Variants in CCDC172 observed in about 807,000 individuals in gnomAD.
CCDC172 encodes coiled-coil domain-containing protein 172.
Under a neutral mutation model 38.0 loss-of-function variants are expected in CCDC172, and 30 were observed. The observed-to-expected ratio is 0.79, with a 90% CI of 0.59 to 1.07. The LOEUF is 1.07. Ranked by LOEUF, CCDC172 falls within the 50% of genes least tolerant of loss-of-function variation. CCDC172 has a pLI of 0.00. For synonymous variants in CCDC172, 78 were observed against 88.3 expected (o/e 0.88, Z 0.66); for missense variants, 297 against 290.1 (o/e 1.02, Z -0.17).
intron 7 of CCDC172, among the ~76,000 whole-genome samples, chr10:116,364,897 C>G (rs1409933519): frequency 1.3e-5 from 2 of 152,012 alleles, no homozygotes; most frequent in Non-Finnish European, 2.9e-5. Context: ...TTCTATGTCT[C>G]TGAGAGGTAA....
chr10:116,363,209 T>C (rs984972528), intron 7 of CCDC172, among the ~76,000 whole-genome samples: 1 of 152,144 alleles, frequency 6.6e-6, no homozygotes, highest in Non-Finnish European at 1.5e-5. Flanking sequence ...TAAAAGGAGA[T>C]GCCTACCCCA....
At chr10:116,352,982 A>G (rs1844949612) in intron 5 of CCDC172, among the ~76,000 whole-genome samples, 1 of 152,150 alleles carries the variant, frequency 6.6e-6, no homozygotes, top group Admixed American at 6.5e-5. Context: ...TCACGAGGTC[A>G]GGAGATCAAG....
At chr10:116,331,881 C>T (rs1023161973) in intron 3 of CCDC172, among the ~76,000 whole-genome samples, 9 of 152,088 alleles carry the variant, frequency 5.9e-5, no homozygotes, top group African/African-American at 1.9e-4. Flanking sequence ...GATTTCTGCA[C>T]TGTATGGATA....
At chr10:116,341,253 T>A (rs187128674) in intron 4 of CCDC172, among the ~76,000 whole-genome samples, 3 of 152,154 alleles carry the variant, frequency 2.0e-5, no homozygotes, top group Admixed American at 1.3e-4. Context: ...GCAATAGTTT[T>A]GAATGACAGG....
At chr10:116,326,075 G>T (rs1159613815) in intron 3 of CCDC172, among the ~76,000 whole-genome samples, 1 of 152,174 alleles carries the variant, frequency 6.6e-6, no homozygotes, top group African/African-American at 2.4e-5. Flanking sequence ...GGGAATAGCA[G>T]AAAACCGTTG....
chr10:116,370,851 A>G (rs187197319), intron 7 of CCDC172, among the ~76,000 whole-genome samples: 5 of 151,958 alleles, frequency 3.3e-5, no homozygotes, highest in Non-Finnish European at 7.4e-5. Context: ...AGAAAAAGTC[A>G]TGTTATTATT....
chr10:116,353,353 A>T (rs1844956191), intron 5 of CCDC172, among the ~76,000 whole-genome samples: 1 of 152,210 alleles, frequency 6.6e-6, no homozygotes. Flanking sequence ...GGTTTATTTT[A>T]GATATGCACA....
intron 3 of CCDC172, among the ~76,000 whole-genome samples, chr10:116,325,701 T>A (rs1055062909): frequency 1.3e-5 from 2 of 152,228 alleles, no homozygotes; most frequent in Non-Finnish European, 1.5e-5. Context: ...TAATAAGTAG[T>A]TGGTGCAGTA....
rs368305163 is a variant in CCDC172, at chr10:116,332,380, C to T, written c.165+6992C>T. Among the ~76,000 whole-genome samples the T allele has an allele frequency of 2.4e-4, 36 of 152,204 alleles. No individual in the cohort carries two copies. In the East Asian group the frequency reaches 2.9e-3, roughly 12 times the overall value. On this transcript the variant is annotated intron_variant, in intron 3 of 8. Coordinates refer to ENST00000333254, the MANE Select transcript of CCDC172 (RefSeq NM_198515.3). ...CACTATAAAACTCTTCAATGCCTCA[C>T]GTTGTCATTCTTGAGTTCTTATTTT...
chr10:116,333,422 A>T lies in CCDC172; in HGVS notation c.166-7312A>T, dbSNP rs372998389. 3.3e-5 allele frequency among the ~76,000 whole-genome samples: 5 copies of T among 152,240 alleles called. No homozygotes were observed. In the East Asian group the frequency reaches 5.8e-4, roughly 18 times the overall value. ...CCTGAGATATGATTATTTCTTGCAC[A>T]TGTGCCAAGTTTTCTTATTTGTTGA... On this transcript the variant is annotated intron_variant, in intron 3 of 8. Coordinates refer to ENST00000333254, the MANE Select transcript of CCDC172 (RefSeq NM_198515.3).
intron 5 of CCDC172, among the ~76,000 whole-genome samples, chr10:116,353,795 G>A (rs1844961266): frequency 6.6e-6 from 1 of 152,122 alleles, no homozygotes; most frequent in Admixed American, 6.5e-5. Flanking sequence ...TACATTATTA[G>A]TTATCAGGGA....
chr10:116,376,309 A>G (rs1454416114), intron 7 of CCDC172, among the ~76,000 whole-genome samples: 1 of 152,140 alleles, frequency 6.6e-6, no homozygotes, highest in African/African-American at 2.4e-5. Context: ...ATTGATCTAC[A>G]CTTCTCACTT....
At chr10:116,374,361 T>TA (rs1441774343) in intron 7 of CCDC172, among the ~76,000 whole-genome samples, 3 of 152,176 alleles carry the variant, frequency 2.0e-5, no homozygotes, top group Non-Finnish European at 4.4e-5. Context: ...TGCAATAAGA[T>TA]ATCTTGAGAG....
At chr10:116,332,947 T>G (rs1367069508) in intron 3 of CCDC172, among the ~76,000 whole-genome samples, 1 of 152,158 alleles carries the variant, frequency 6.6e-6, no homozygotes, top group African/African-American at 2.4e-5. Flanking sequence ...TATTTAATGC[T>G]CTCTGCAAAT....
rs146608312 is a variant in CCDC172, at chr10:116,369,470, G to C, written c.654-8953G>C. Among the ~76,000 whole-genome samples the C allele has an allele frequency of 5.3e-3, 804 of 151,932 alleles. 7 individuals carry two copies. The highest frequency in any genetic ancestry group is 0.016 in the African/African-American group (666 of 41,496). On this transcript the variant is annotated intron_variant, in intron 7 of 8. Transcript: ENST00000333254. ...TCTCTTTCACAAATGTTAACACACT[G>C]TATATAGTCTTTTGTATCTTTCCGT...
chr10:116,342,289 A>T, intron 5 of CCDC172, 88 bp downstream of exon 5: 2 of 1,172,248 alleles, frequency 1.7e-6, no homozygotes, highest in Non-Finnish European at 2.4e-6. Context: ...TAACTTTTTC[A>T]TGAGCAAATT....
intron 5 of CCDC172, among the ~76,000 whole-genome samples, chr10:116,350,038 A>G (rs139588741): frequency 3.5e-4 from 53 of 152,310 alleles, no homozygotes; most frequent in African/African-American, 1.2e-3. Context: ...GATTGTGCCT[A>G]ATCATTTTTT....
At chr10:116,358,874 T>G (rs1247530132) in intron 7 of CCDC172, among the ~76,000 whole-genome samples, 1 of 152,084 alleles carries the variant, frequency 6.6e-6, no homozygotes, top group Non-Finnish European at 1.5e-5. Context: ...GAGTTAGTAG[T>G]GTGAGGGCTT....
At chr10:116,364,457 A>G (rs1336743354) in intron 7 of CCDC172, among the ~76,000 whole-genome samples, 1 of 152,132 alleles carries the variant, frequency 6.6e-6, no homozygotes, top group Non-Finnish European at 1.5e-5. Context: ...GCTGTATTCT[A>G]AGGAAGACAA....
Sources: allele counts gnomAD v4.1 joint callset (sites outside exome capture counted in the v4.1 genomes callset), GRCh38; gene constraint gnomAD v4.1.1; transcripts MANE v1.5; gene names NCBI Gene and HGNC (gene_info 2026-07-23, HGNC 2026-07-21).